The following DAB1 variants were observed in gnomAD, a reference collection of about 807,000 sequenced individuals.
The protein encoded by DAB1 is disabled homolog 1.
Under a neutral mutation model 64.6 loss-of-function variants are expected in DAB1, and 15 were observed. The ratio of observed to expected loss-of-function variants is 0.23; its 90% CI spans 0.16 to 0.36. The LOEUF (loss-of-function observed/expected upper bound fraction) is 0.36, where lower values mean the gene tolerates loss of function less well. Ranked by LOEUF, DAB1 falls within the 10% of genes least tolerant of loss-of-function variation. DAB1 has a pLI of 1.00. For missense variants in DAB1, 596 were observed against 706.7 expected (o/e 0.84, Z 1.78); for synonymous variants, 235 against 251.9 (o/e 0.93, Z 0.64).
At chr1:57,787,763 A>G (rs1026771796) in intron 6 of DAB1, among the ~76,000 whole-genome samples, 3 of 152,180 alleles carry the variant, frequency 2.0e-5, no homozygotes, top group African/African-American at 7.2e-5. Flanking sequence ...TTATTTGCAA[A>G]ACACACATTT....
intron 6 of DAB1, among the ~76,000 whole-genome samples, chr1:57,763,184 C>T (rs1196450124): frequency 6.6e-6 from 1 of 152,148 alleles, no homozygotes; most frequent in African/African-American, 2.4e-5. Context: ...GTTGAATTCT[C>T]CTCCCACCCA....
At chr1:57,532,936 T>C (rs1644682856) in intron 7 of DAB1, among the ~76,000 whole-genome samples, 1 of 152,152 alleles carries the variant, frequency 6.6e-6, no homozygotes, top group African/African-American at 2.4e-5. Flanking sequence ...GTAACACTAG[T>C]AGGCAATATC....
At chr1:57,182,742 AC>A (rs1663109733) in intron 2 of DAB1, among the ~76,000 whole-genome samples, 1 of 152,088 alleles carries the variant, frequency 6.6e-6, no homozygotes, top group Admixed American at 6.6e-5. Context: ...TTCTTATAGG[AC>A]CAGTTGAAAT....
intron 6 of DAB1, among the ~76,000 whole-genome samples, chr1:57,710,851 G>C (rs1647020055): frequency 6.6e-6 from 1 of 152,140 alleles, no homozygotes; most frequent in African/African-American, 2.4e-5. Flanking sequence ...AAATTCAAAG[G>C]CTAGGGTTTC....
chr1:57,928,629 A>G, intron 5 of DAB1, among the ~76,000 whole-genome samples: 1 of 152,146 alleles, frequency 6.6e-6, no homozygotes, highest in Admixed American at 6.5e-5. Flanking sequence ...ACCTATACCT[A>G]CTACCAACCT....
intron 3 of DAB1, among the ~76,000 whole-genome samples, chr1:58,351,799 G>A (rs1423651477): frequency 6.7e-6 from 1 of 149,430 alleles, no homozygotes; most frequent in Admixed American, 6.8e-5. Flanking sequence ...TTTGCAGGGA[G>A]ATGGGGGAGA....
intron 4 of DAB1, among the ~76,000 whole-genome samples, chr1:58,310,424 T>C (rs989278173): frequency 2.0e-5 from 3 of 152,168 alleles, no homozygotes; most frequent in Non-Finnish European, 4.4e-5. Context: ...TAGGAGAGTA[T>C]AATGTGTGTA....
At chr1:58,024,984 A>G (rs1646868459) in intron 5 of DAB1, among the ~76,000 whole-genome samples, 1 of 152,012 alleles carries the variant, frequency 6.6e-6, no homozygotes, top group Admixed American at 6.6e-5. Flanking sequence ...TGCATGAGTC[A>G]ATTCCTTATA....
intron 7 of DAB1, among the ~76,000 whole-genome samples, chr1:57,509,084 A>G (rs1299463271): frequency 1.3e-5 from 2 of 152,146 alleles, no homozygotes; most frequent in East Asian, 3.9e-4. Flanking sequence ...ACATACATGT[A>G]CAAAACACAC....
intron 4 of DAB1, among the ~76,000 whole-genome samples, chr1:58,293,919 T>A (rs1443086584): frequency 6.6e-6 from 1 of 152,146 alleles, no homozygotes; most frequent in Non-Finnish European, 1.5e-5. Flanking sequence ...ACTCTGAGAG[T>A]CCTCCTGAGC....
chr1:58,167,380 G>T (rs1330220569), intron 4 of DAB1, among the ~76,000 whole-genome samples: 1 of 151,700 alleles, frequency 6.6e-6, no homozygotes, highest in Non-Finnish European at 1.5e-5. Context: ...GCACCAATCA[G>T]TGTTCTGTGT....
chr1:57,592,924 C>G (rs1455525528), intron 7 of DAB1, among the ~76,000 whole-genome samples: 1 of 152,148 alleles, frequency 6.6e-6, no homozygotes, highest in Non-Finnish European at 1.5e-5. Flanking sequence ...TTACTTGCCT[C>G]CTACAGGGCC....
chr1:57,294,243 C>T (rs1185416062), intron 1 of DAB1, among the ~76,000 whole-genome samples: 1 of 152,168 alleles, frequency 6.6e-6, no homozygotes, highest in Non-Finnish European at 1.5e-5. Context: ...TTTTGAAATG[C>T]TTCAATAATA....
chr1:57,413,721 G>T (rs1474121749), intron 1 of DAB1, among the ~76,000 whole-genome samples: 1 of 137,740 alleles, frequency 7.3e-6, no homozygotes, highest in East Asian at 2.1e-4. Context: ...TCCAGCCCAG[G>T]CGACACAGCA....
At chr1:58,036,995 C>A (rs4266913) in intron 5 of DAB1, among the ~76,000 whole-genome samples, 68,455 of 151,954 alleles carry the variant, frequency 0.45, 15,683 homozygotes, top group African/African-American at 0.5. Flanking sequence ...TGGCCCATTT[C>A]AGCTTCCCTT....
At chr1:57,386,359 C>T in intron 1 of DAB1, among the ~76,000 whole-genome samples, 1 of 107,316 alleles carries the variant, frequency 9.3e-6, no homozygotes, top group Non-Finnish European at 1.9e-5. Flanking sequence ...TCACTTAGGC[C>T]CCTTGGGAAA....
chr1:57,081,593 G>A (rs534602500), intron 4 of DAB1, among the ~76,000 whole-genome samples: 9 of 150,062 alleles, frequency 6.0e-5, no homozygotes, highest in Non-Finnish European at 1.3e-4. Flanking sequence ...CCTTTTGTTG[G>A]TCGCTTAAGA....
rs1484622669 is a variant in DAB1 at position 57,134,755 on chromosome 1, A to T, written c.306+1788T>A. On this transcript the variant is annotated intron_variant, in intron 4 of 14. Coordinates refer to ENST00000371236, the MANE Select transcript of DAB1 (RefSeq NM_001365792.1). Reference sequence around the variant, plus strand: ...ATAGGCATCATTGTTAAACAAAAGGACTCAGGAGCCAGACCGCCTAGGTTC... The same window carrying T: ...ATAGGCATCATTGTTAAACAAAAGGTCTCAGGAGCCAGACCGCCTAGGTTC... Among the ~76,000 whole-genome samples the T allele has an allele frequency of 2.6e-5, 4 of 152,138 alleles. No individual in the cohort carries two copies. The East Asian group carries it at 5.8e-4, about 22-fold the overall frequency.
chr1:57,924,540 A>G (rs1370126915), intron 5 of DAB1, among the ~76,000 whole-genome samples: 1 of 151,570 alleles, frequency 6.6e-6, no homozygotes, highest in Admixed American at 6.6e-5. Flanking sequence ...GCTCACTGCA[A>G]CCTCTGCCTC....
Sources: allele counts gnomAD v4.1 joint callset (sites outside exome capture counted in the v4.1 genomes callset), GRCh38; gene constraint gnomAD v4.1.1; transcripts MANE v1.5; gene names NCBI Gene and HGNC (gene_info 2026-07-23, HGNC 2026-07-21).